GRM3: variants seen among roughly 807,000 people sequenced by gnomAD.
GRM3 encodes metabotropic glutamate receptor 3.
GRM3 carries 26 observed loss-of-function variants against 70.5 expected under a neutral mutation model. The observed-to-expected ratio is 0.37, with a 90% CI of 0.27 to 0.51. The LOEUF is 0.51. GRM3 is among the 20% of genes least tolerant of loss of function. The probability of loss-of-function intolerance (pLI) is 0.93; values close to 1 mark genes in which losing one functional copy is unlikely to be tolerated. For synonymous variants in GRM3, 443 were observed against 434.9 expected, an observed-to-expected ratio of 1.02 and a Z score of -0.23; for missense variants, 859 against 1,123.8, an observed-to-expected ratio of 0.76 and a Z score of 3.37.
chr7:86,850,349 C>T (rs748471453), intron 4 of GRM3, 21 bp from the exon 5 acceptor site: 10 of 1,597,064 alleles, frequency 6.3e-6, no homozygotes, highest in Middle Eastern at 1.9e-4. Context: ...CAGACACTTA[C>T]TAGCCAACCT....
intron 1 of GRM3, among the ~76,000 whole-genome samples, chr7:86,744,737 G>C (rs1005007964): frequency 2.0e-5 from 3 of 152,212 alleles, no homozygotes; most frequent in East Asian, 3.9e-4. Context: ...TACAAAAATA[G>C]TGTTAAGAAA....
chr7:86,716,016 G>C (rs551951831), intron 1 of GRM3, among the ~76,000 whole-genome samples: 90 of 152,046 alleles, frequency 5.9e-4, no homozygotes, highest in African/African-American at 2.0e-3. Context: ...CCACCTACGT[G>C]GTACTTTTCA....
At chr7:86,805,254 T>A (rs753445895) in intron 3 of GRM3, among the ~76,000 whole-genome samples, 1 of 151,972 alleles carries the variant, frequency 6.6e-6, no homozygotes, top group Non-Finnish European at 1.5e-5. Flanking sequence ...ATTATAGACC[T>A]TTTTTTTATT....
intron 1 of GRM3, among the ~76,000 whole-genome samples, chr7:86,734,813 C>G (rs1022262021): frequency 1.7e-4 from 26 of 152,180 alleles, no homozygotes; most frequent in African/African-American, 6.0e-4. Flanking sequence ...TCATCCTCCT[C>G]TATATTCCCC....
chr7:86,859,207 C>T (rs540620109), intron 5 of GRM3, among the ~76,000 whole-genome samples: 1 of 152,260 alleles, frequency 6.6e-6, no homozygotes, highest in Admixed American at 6.5e-5. Context: ...AATGATCCTC[C>T]TACTTTGGCC....
intron 5 of GRM3, among the ~76,000 whole-genome samples, chr7:86,862,149 GT>G (rs1433812866): frequency 6.6e-6 from 1 of 152,174 alleles, no homozygotes; most frequent in Non-Finnish European, 1.5e-5. Context: ...GGAATCAAGA[GT>G]TCAGCTATGG....
chr7:86,645,117 G>A (rs959015276), intron 1 of GRM3: 1 of 344,052 alleles, frequency 2.9e-6, no homozygotes, highest in Non-Finnish European at 5.7e-6. Flanking sequence ...ATAGATCTGC[G>A]GCCAGGGTGC....
rs1165088047 is a variant in GRM3 at position 86,644,851 on chromosome 7, T to C, written c.-162T>C. On this transcript the variant is annotated 5_prime_UTR_variant, in exon 1 of 6. Transcript: ENST00000361669. Reference sequence around the variant, plus strand: ...TGCCACCGCGGTCAGCTCCAGTTCCTGCCAGGAGTTGTCGGTGCGAGGTAA... The same window carrying C: ...TGCCACCGCGGTCAGCTCCAGTTCCCGCCAGGAGTTGTCGGTGCGAGGTAA... 3 of 1,289,158 alleles carry C rather than the reference T, an allele frequency of 2.3e-6. No homozygotes were observed. The African/African-American group carries it at 4.6e-5, about 20-fold the overall frequency. The allele number at this position is 1,289,158 out of a possible 1,614,324, so 79.9% of individuals were successfully genotyped here.
At chr7:86,805,470 G>T (rs1214645174) in intron 3 of GRM3, among the ~76,000 whole-genome samples, 2 of 151,928 alleles carry the variant, frequency 1.3e-5, no homozygotes, top group African/African-American at 4.8e-5. Flanking sequence ...TTTACATTAG[G>T]GTTCACTCTT....
intron 1 of GRM3, among the ~76,000 whole-genome samples, chr7:86,758,408 T>C (rs1239435399): frequency 6.6e-6 from 1 of 152,006 alleles, no homozygotes; most frequent in Non-Finnish European, 1.5e-5. Context: ...TTGGAAGAGG[T>C]AAAGGACAAA....
At chr7:86,767,619 A>C (rs1421158367) in intron 2 of GRM3, among the ~76,000 whole-genome samples, 1 of 148,790 alleles carries the variant, frequency 6.7e-6, no homozygotes, top group Non-Finnish European at 1.5e-5. Context: ...CTTCAATCAT[A>C]ATTTCCAGAT....
At chr7:86,684,920 A>T (rs562217548) in intron 1 of GRM3, among the ~76,000 whole-genome samples, 3 of 152,160 alleles carry the variant, frequency 2.0e-5, no homozygotes, top group Admixed American at 2.0e-4. Flanking sequence ...GATGACCTAT[A>T]TCAGAGAGAT....
intron 1 of GRM3, among the ~76,000 whole-genome samples, chr7:86,760,983 A>T (rs1335379200): frequency 6.6e-6 from 1 of 152,152 alleles, no homozygotes; most frequent in African/African-American, 2.4e-5. Flanking sequence ...TATAGCACTT[A>T]ACAATTATCA....
chr7:86,667,044 T>G (rs1794045968), intron 1 of GRM3, among the ~76,000 whole-genome samples: 1 of 152,118 alleles, frequency 6.6e-6, no homozygotes. Flanking sequence ...ATTTTCAAGC[T>G]CAGTACCTCT....
intron 1 of GRM3, among the ~76,000 whole-genome samples, chr7:86,699,455 T>C (rs1410051914): frequency 6.6e-6 from 1 of 151,998 alleles, no homozygotes; most frequent in Non-Finnish European, 1.5e-5. Context: ...TTATTGTATT[T>C]CCCATTGATG....
At chr7:86,860,504 C>T (rs1798934264) in intron 5 of GRM3, among the ~76,000 whole-genome samples, 1 of 152,160 alleles carries the variant, frequency 6.6e-6, no homozygotes, top group Admixed American at 6.5e-5. Context: ...CCCTTCGACA[C>T]ATTAAAAAGT....
chr7:86,732,851 C>T (rs1301573615), intron 1 of GRM3, among the ~76,000 whole-genome samples: 1 of 152,128 alleles, frequency 6.6e-6, no homozygotes, highest in East Asian at 1.9e-4. Flanking sequence ...TAGCACCTCA[C>T]ACGGCAAGAC....
chr7:86,798,339 T>C (rs903616540), intron 3 of GRM3, among the ~76,000 whole-genome samples: 11 of 152,080 alleles, frequency 7.2e-5, no homozygotes, highest in Admixed American at 2.0e-4. Context: ...GCCAGAGGGG[T>C]GGAGCTGCCC....
chr7:86,691,539 G>C (rs552755353), intron 1 of GRM3, among the ~76,000 whole-genome samples: 33 of 152,242 alleles, frequency 2.2e-4, no homozygotes, highest in African/African-American at 7.7e-4. Context: ...AGTTTGTTGA[G>C]TGCCATGGTT....
Sources: allele counts gnomAD v4.1 joint callset (sites outside exome capture counted in the v4.1 genomes callset), GRCh38; gene constraint gnomAD v4.1.1; transcripts MANE v1.5; gene names NCBI Gene and HGNC (gene_info 2026-07-23, HGNC 2026-07-21).